ANKRD44: variants seen among roughly 807,000 people sequenced by gnomAD.
ANKRD44 encodes ankyrin repeat domain 44.
A neutral mutation model predicts 116.0 loss-of-function variants in ANKRD44; 35 were observed. The ratio of observed to expected loss-of-function variants is 0.30; its 90% CI spans 0.23 to 0.40. The LOEUF (loss-of-function observed/expected upper bound fraction) is 0.40. Among genes scored for constraint, ANKRD44 ranks in the 10% least tolerant of loss-of-function variants. The probability of loss-of-function intolerance (pLI) is 1.00; values close to 1 mark genes in which losing one functional copy is unlikely to be tolerated. For missense variants in ANKRD44, 1,014 were observed against 1,242.6 expected (o/e 0.82, Z 2.77); for synonymous variants, 435 against 461.8 (o/e 0.94, Z 0.74).
intron 1 of ANKRD44, among the ~76,000 whole-genome samples, chr2:197,261,515 C>CAA (rs36155331): frequency 8.1e-5 from 10 of 122,884 alleles, no homozygotes; most frequent in African/African-American, 2.5e-4. Flanking sequence ...TTTTGCCAAC[C>CAA]AAAAAAAAAA....
chr2:197,308,321 T>C (rs1288420218), intron 1 of ANKRD44, among the ~76,000 whole-genome samples: 3 of 152,184 alleles, frequency 2.0e-5, no homozygotes, highest in East Asian at 1.9e-4. Flanking sequence ...ACTCTTCTAG[T>C]AGTGGTCTAA....
intron 16 of ANKRD44, among the ~76,000 whole-genome samples, chr2:197,035,045 T>G (rs1325914969): frequency 2.0e-5 from 3 of 152,186 alleles, no homozygotes; most frequent in African/African-American, 4.8e-5. Flanking sequence ...TGAACAGCAT[T>G]TCAATGCTTT....
At chr2:197,002,263 G>C (rs889302278) in intron 21 of ANKRD44, among the ~76,000 whole-genome samples, 1 of 152,188 alleles carries the variant, frequency 6.6e-6, no homozygotes, top group Non-Finnish European at 1.5e-5. Flanking sequence ...GTGATTAGGA[G>C]AAAACAGTAT....
At chr2:197,037,553 T>A (rs2076830848) in intron 16 of ANKRD44, among the ~76,000 whole-genome samples, 1 of 152,254 alleles carries the variant, frequency 6.6e-6, no homozygotes, top group Non-Finnish European at 1.5e-5. Flanking sequence ...AATTATTGGA[T>A]GATAACACAT....
chr2:196,999,561 CACTTATTTATTT>C (rs1290779869), intron 23 of ANKRD44, among the ~76,000 whole-genome samples: 360 of 123,044 alleles, frequency 2.9e-3, no homozygotes, highest in African/African-American at 9.8e-3. Flanking sequence ...TGTGTACAGA[CACTTATTTATTT>C]ATTTATTTAT....
chr2:197,048,325 G>A (rs1029361958), intron 16 of ANKRD44, among the ~76,000 whole-genome samples: 2 of 152,056 alleles, frequency 1.3e-5, no homozygotes, highest in African/African-American at 4.8e-5. Flanking sequence ...TTCTCCTAAT[G>A]CTATCCCTCC....
At chr2:196,983,079 G>A (rs929094582), downstream of ANKRD44, among the ~76,000 whole-genome samples, 6 of 152,018 alleles carry the variant, frequency 3.9e-5, no homozygotes, top group Non-Finnish European at 5.9e-5. Flanking sequence ...TAATGCATGC[G>A]GGGCCTAAAA....
intron 10 of ANKRD44, among the ~76,000 whole-genome samples, chr2:197,091,585 C>T (rs2078044523): frequency 6.6e-6 from 1 of 152,148 alleles, no homozygotes; most frequent in Non-Finnish European, 1.5e-5. Context: ...TCTCAAACTC[C>T]TGGGCTCAAG....
At chr2:197,012,652 T>C (rs1465623999) in intron 18 of ANKRD44, among the ~76,000 whole-genome samples, 1 of 152,050 alleles carries the variant, frequency 6.6e-6, no homozygotes, top group Non-Finnish European at 1.5e-5. Context: ...GGGACATAGA[T>C]GGAAATAGTT....
At chr2:197,162,351 C>T (rs2079987601) in intron 2 of ANKRD44, among the ~76,000 whole-genome samples, 1 of 152,198 alleles carries the variant, frequency 6.6e-6, no homozygotes, top group South Asian at 2.1e-4. Context: ...TTTGGTCTAC[C>T]TCTTATGAAC....
At position 196,989,456 on chromosome 2, in the gene ANKRD44, C is replaced by A; in HGVS notation, c.*135G>T. 7.8e-7 allele frequency: 1 copy of A among 1,273,986 alleles called. No homozygotes were observed. Among genetic ancestry groups the A allele is most frequent in the South Asian group, 2.5e-5 (1 of 39,392 alleles). 78.9% of individuals were successfully genotyped at this position (1,273,986 alleles called of 1,614,324 possible). On this transcript the variant is annotated 3_prime_UTR_variant, in exon 28 of 28. Coordinates refer to ENST00000282272, the MANE Select transcript of ANKRD44 (RefSeq NM_001195144.2). ...CATTTTGAAGGAAAAAAATGTGTATCTTCCATTTTAGACTGAAGCATTTTG... is the reference window on the plus strand; with the variant it reads ...CATTTTGAAGGAAAAAAATGTGTATATTCCATTTTAGACTGAAGCATTTTG...
intron 8 of ANKRD44, among the ~76,000 whole-genome samples, chr2:197,118,877 T>C (rs2078785216): frequency 2.6e-5 from 4 of 152,220 alleles, no homozygotes; most frequent in Admixed American, 1.3e-4. Context: ...ATTTTGATAT[T>C]TGCCGTTCTT....
intron 8 of ANKRD44, among the ~76,000 whole-genome samples, chr2:197,114,767 G>A (rs1407020701): frequency 6.6e-6 from 1 of 152,194 alleles, no homozygotes. Flanking sequence ...CCAACCTGCG[G>A]TTAGGGGTGG....
intron 8 of ANKRD44, among the ~76,000 whole-genome samples, chr2:197,115,274 C>T (rs571664631): frequency 1.7e-4 from 26 of 152,248 alleles, no homozygotes; most frequent in African/African-American, 2.2e-4. Flanking sequence ...CCTTCTTTAA[C>T]GCTTACTTTG....
chr2:197,101,045 A>T (rs1267924883), intron 9 of ANKRD44, among the ~76,000 whole-genome samples: 1 of 152,198 alleles, frequency 6.6e-6, no homozygotes, highest in Non-Finnish European at 1.5e-5. Flanking sequence ...ATTTTACCCA[A>T]GAAATTTAAC....
chr2:197,025,089 A>G, intron 17 of ANKRD44, 107 bp downstream of exon 17: 1 of 1,111,298 alleles, frequency 9.0e-7, no homozygotes, highest in Non-Finnish European at 1.3e-6. Context: ...TACTTTCACT[A>G]CCACTCATCA....
In ANKRD44 at chr2:197,083,486, G is replaced by C. The variant is rs750473345; in HGVS notation, c.1340C>G (p.Ala447Gly). 1 of 1,613,296 alleles carries C rather than the reference G, an allele frequency of 6.2e-7. No individual in the cohort carries two copies. Among genetic ancestry groups the C allele is most frequent in the Non-Finnish European group, 8.5e-7 (1 of 1,179,648 alleles). Residue 447 changes from alanine to glycine, a missense_variant, in exon 14 of 28, where the codon GCG becomes GGG. Transcript: ENST00000282272. ...CTCAATACAGTGGAAATGACAATTC[G>C]CAGCTGCATAGTGCAAAGGGGTCCT... ...CGRTPLHYAA[A>G]NCHFHCIETL...
intron 19 of ANKRD44, among the ~76,000 whole-genome samples, chr2:197,008,698 G>A (rs529485084): frequency 7.0e-4 from 107 of 152,112 alleles, no homozygotes; most frequent in Non-Finnish European, 4.3e-4. Context: ...AATAAGAGCC[G>A]GGAAACATGG....
intron 17 of ANKRD44, among the ~76,000 whole-genome samples, chr2:197,017,116 T>C (rs926679805): frequency 4.6e-5 from 7 of 152,230 alleles, no homozygotes; most frequent in Admixed American, 2.6e-4. Context: ...AAAGCAATCA[T>C]ACACTCTGTT....
Sources: gnomAD v4.1 joint callset for allele counts (sites outside exome capture counted in the v4.1 genomes callset) on GRCh38, gnomAD v4.1.1 for gene constraint, MANE v1.5 for transcripts, NCBI Gene and HGNC (gene_info 2026-07-23, HGNC 2026-07-21) for gene names.